Variants in FBXL2 observed in about 807,000 individuals in gnomAD.
FBXL2 encodes the protein F-box/LRR-repeat protein 2.
In FBXL2, 38 loss-of-function variants were observed where a neutral mutation model predicts 69.2. The observed-to-expected ratio is 0.55, with a 90% CI of 0.42 to 0.72. The LOEUF is 0.72. Ranked by LOEUF, FBXL2 falls within the 30% of genes least tolerant of loss-of-function variation. The pLI, the probability that FBXL2 is intolerant of heterozygous loss-of-function variation, is 0.00. For missense variants in FBXL2, 354 were observed against 520.3 expected, an observed-to-expected ratio of 0.68 and a Z score of 3.11; for synonymous variants, 192 against 201.3, an observed-to-expected ratio of 0.95 and a Z score of 0.39.
rs559236458 is a variant in FBXL2 at position 33,320,504 on chromosome 3, C to T, written c.65+22779C>T. On this transcript the variant is annotated intron_variant, in intron 2 of 14. Coordinates refer to ENST00000484457, the MANE Select transcript of FBXL2 (RefSeq NM_012157.5). ...GCATTTCTTTTTTTTTTTTTTTAGA[C>T]GGAGTCTTGCTATGTCGCCCTGGCT... Among the ~76,000 whole-genome samples, 293 of 148,680 alleles carry T rather than the reference C, an allele frequency of 2.0e-3. 4 individuals are homozygous for T. The highest frequency in any genetic ancestry group is 6.7e-4 in the Non-Finnish European group (45 of 67,378).
chr3:33,327,957 C>CT (rs1491419373), intron 2 of FBXL2, among the ~76,000 whole-genome samples: 1 of 35,884 alleles, frequency 2.8e-5, no homozygotes, highest in African/African-American at 8.7e-5. Flanking sequence ...AAAGAATCTA[C>CT]CAAAAAAAAA....
Position 33,329,371 on chromosome 3 carries a change from A to T in FBXL2, c.66-29596A>T, listed in dbSNP as rs550728507. 8.6e-4 allele frequency among the ~76,000 whole-genome samples: 131 copies of T among 152,264 alleles called. 1 individual carries two copies. The highest frequency in any genetic ancestry group is 2.8e-3 in the African/African-American group (116 of 41,562). ...GAACAGTATGGAGGTTCCTAAAAAA[A>T]TTTTAAAATAGAACTACCATGTGAT... On this transcript the variant is annotated intron_variant, in intron 2 of 14. Transcript: ENST00000484457.
intron 2 of FBXL2, among the ~76,000 whole-genome samples, chr3:33,327,000 T>C (rs1207150234): frequency 6.6e-6 from 1 of 152,186 alleles, no homozygotes; most frequent in Non-Finnish European, 1.5e-5. Flanking sequence ...AATTTAAAGG[T>C]CCCCAGAATT....
intron 2 of FBXL2, among the ~76,000 whole-genome samples, chr3:33,352,227 T>G (rs923331229): frequency 2.0e-5 from 3 of 152,186 alleles, no homozygotes; most frequent in Non-Finnish European, 4.4e-5. Context: ...ATGGAGAAAG[T>G]ATACATTTTT....
At chr3:33,323,286 T>TA (rs991052795) in intron 2 of FBXL2, among the ~76,000 whole-genome samples, 35 of 152,292 alleles carry the variant, frequency 2.3e-4, no homozygotes, top group African/African-American at 8.4e-4. Context: ...TCAGTTGACT[T>TA]ACAGTTTTAA....
chr3:33,317,094 C>G (rs1340122960), intron 2 of FBXL2, among the ~76,000 whole-genome samples: 1 of 152,004 alleles, frequency 6.6e-6, no homozygotes, highest in African/African-American at 2.4e-5. Context: ...CAGCAGGTCT[C>G]ACTATGTTGC....
At chr3:33,380,383 C>A (rs555454992) in intron 13 of FBXL2, among the ~76,000 whole-genome samples, 4 of 151,550 alleles carry the variant, frequency 2.6e-5, no homozygotes, top group Non-Finnish European at 5.9e-5. Flanking sequence ...ATGGAGAAAC[C>A]CTGTCTCTAC....
chr3:33,343,151 A>T (rs2040192431), intron 2 of FBXL2, among the ~76,000 whole-genome samples: 1 of 151,886 alleles, frequency 6.6e-6, no homozygotes, highest in Non-Finnish European at 1.5e-5. Flanking sequence ...CAAAGCAATT[A>T]TATATATATG....
chr3:33,412,320 T>C, the FBXL2 span, among the ~76,000 whole-genome samples: 1 of 151,878 alleles, frequency 6.6e-6, no homozygotes, highest in African/African-American at 2.4e-5. Flanking sequence ...CTCGGTTCTT[T>C]ATAATACGAG....
rs865827859 is a variant in FBXL2 at position 33,379,291 on chromosome 3, C to T, written c.951+550C>T. Reference sequence around the variant, plus strand: ...TGCTGGGATTACAGGTGTGAGCTACCGCACCTGACCTGAATTAGCATCAAT... The same window carrying T: ...TGCTGGGATTACAGGTGTGAGCTACTGCACCTGACCTGAATTAGCATCAAT... On this transcript the variant is annotated intron_variant, in intron 13 of 14. Transcript: ENST00000484457. 9.9e-5 allele frequency among the ~76,000 whole-genome samples: 15 copies of T among 151,620 alleles called. 1 individual carries two copies. Among genetic ancestry groups the T allele is most frequent in the South Asian group, 2.1e-4 (1 of 4,804 alleles).
chr3:33,392,806 T>C (rs141201536), downstream of FBXL2: 12 of 533,858 alleles, frequency 2.2e-5, 1 homozygote, highest in African/African-American at 1.4e-4. Flanking sequence ...TGCCTGTCCA[T>C]AATGGTCCCT....
At chr3:33,299,241 T>C (rs1575116423) in intron 2 of FBXL2, among the ~76,000 whole-genome samples, 1 of 151,976 alleles carries the variant, frequency 6.6e-6, no homozygotes. Context: ...GGGGTTTCAC[T>C]GTGTTGCCCA....
At chr3:33,315,937 A>G (rs1335613982) in intron 2 of FBXL2, among the ~76,000 whole-genome samples, 2 of 152,058 alleles carry the variant, frequency 1.3e-5, no homozygotes, top group South Asian at 2.1e-4. Context: ...CCTCTTAGTC[A>G]TCGCCATTGT....
rs2043512078 is a variant in FBXL2 at position 33,387,315 on chromosome 3, C to T, written c.*1707C>T. On this transcript the variant is annotated 3_prime_UTR_variant, in exon 15 of 15. Coordinates refer to ENST00000484457, the MANE Select transcript of FBXL2 (RefSeq NM_012157.5). ...TTTAGTTTCTATTAAAAAAAATTAA[C>T]TTAAGGCTGGCCACGGTGGTTCATG... 6.6e-6 allele frequency: 1 copy of T among 152,122 alleles called. No homozygotes were observed. The highest frequency in any genetic ancestry group is 1.5e-5 in the Non-Finnish European group (1 of 68,028). The allele number at this position is 152,122 out of a possible 1,614,324, so 9.4% of individuals were successfully genotyped here. A position where few individuals can be genotyped will look rare whatever the true frequency, so the allele number is the denominator to read the frequency against.
At chr3:33,311,264 G>A (rs72863711) in intron 2 of FBXL2, among the ~76,000 whole-genome samples, 3,951 of 152,188 alleles carry the variant, frequency 0.026, 83 homozygotes, top group Admixed American at 0.058. Flanking sequence ...GATTGAACCC[G>A]ATTGGAGATT....
chr3:33,365,721 CCAAA>C (rs368354903), intron 5 of FBXL2, among the ~76,000 whole-genome samples: 6,520 of 138,056 alleles, frequency 0.047, 187 homozygotes, highest in Middle Eastern at 0.11. Flanking sequence ...GACTCTTCGA[CCAAA>C]CAAACAAACA....
intron 1 of FBXL2, among the ~76,000 whole-genome samples, chr3:33,295,545 A>G (rs375306083): frequency 1.3e-5 from 2 of 152,214 alleles, no homozygotes; most frequent in African/African-American, 4.8e-5. Context: ...GCTGCTATGA[A>G]CATTCATGGA....
intron 4 of FBXL2, among the ~76,000 whole-genome samples, chr3:33,363,197 T>G (rs756901114): frequency 6.6e-6 from 1 of 152,104 alleles, no homozygotes; most frequent in Non-Finnish European, 1.5e-5. Flanking sequence ...TGCCCCACCA[T>G]GCTCTGCTGA....
intron 2 of FBXL2, among the ~76,000 whole-genome samples, chr3:33,326,571 G>A (rs999310442): frequency 6.6e-6 from 1 of 150,690 alleles, no homozygotes; most frequent in African/African-American, 2.4e-5. Context: ...TCTTTTCAAT[G>A]ATACTATTAA....
Sources: gnomAD v4.1 joint callset for allele counts (sites outside exome capture counted in the v4.1 genomes callset) on GRCh38, gnomAD v4.1.1 for gene constraint, MANE v1.5 for transcripts, NCBI Gene and HGNC (gene_info 2026-07-23, HGNC 2026-07-21) for gene names.